Variants in TMPRSS4 observed in about 807,000 individuals in gnomAD.
TMPRSS4 encodes transmembrane serine protease 4, also known as transmembrane protease serine 4.
TMPRSS4 carries 45 observed loss-of-function variants against 56.4 expected under a neutral mutation model. That is an observed-to-expected ratio of 0.80 (90% CI 0.63 to 1.02). The LOEUF is 1.02. Ranked by LOEUF, TMPRSS4 falls within the 50% of genes least tolerant of loss-of-function variation. The pLI is 0.00. For synonymous variants in TMPRSS4, 205 were observed against 211.0 expected (o/e 0.97, Z 0.25); for missense variants, 546 against 556.7 (o/e 0.98, Z 0.19).
chr11:118,105,426 T>C (rs1006717635), intron 5 of TMPRSS4: 1 of 151,754 alleles, frequency 6.6e-6, no homozygotes, highest in Non-Finnish European at 1.5e-5. Context: ...TATTATATCT[T>C]ATATATAGAT....
Position 118,119,288 on chromosome 11 carries a change from G to C in TMPRSS4, c.*1375G>C, listed in dbSNP as rs12576605. 0.052 allele frequency: 51,689 copies of C among 985,262 alleles called. 2,931 individuals carry two copies. The highest frequency in any genetic ancestry group is 0.41 in the East Asian group (3,580 of 8,780). The allele number at this position is 985,262 out of a possible 1,614,324, so 61.0% of individuals were successfully genotyped here. A position where few individuals can be genotyped will look rare whatever the true frequency, so the allele number is the denominator to read the frequency against. ...AAACCTGGACACACTGAAGACAAGG[G>C]AGCTGAACCAGGGCTCCTACATGAA... On this transcript the variant is annotated 3_prime_UTR_variant, in exon 13 of 13. Transcript: ENST00000437212.
At chr11:118,125,458 G>C (rs1947870506), downstream of TMPRSS4, 1 of 418,298 alleles carries the variant, frequency 2.4e-6, no homozygotes, top group African/African-American at 2.0e-5. Context: ...TCCCCCTTAT[G>C]CCCATTTCCC....
Position 118,108,467 on chromosome 11 carries a change from G to A in TMPRSS4, c.543-389G>A, listed in dbSNP as rs560747407. 48 of 209,050 alleles carry A rather than the reference G, an allele frequency of 2.3e-4. 2 individuals are homozygous for A. The highest frequency in any genetic ancestry group is 3.6e-3 in the Middle Eastern group (2 of 550). 12.9% of individuals were successfully genotyped at this position (209,050 alleles called of 1,614,324 possible). A position where few individuals can be genotyped will look rare whatever the true frequency, so the allele number is the denominator to read the frequency against. ...TTCACCGAAAATAAATCTTGAAAAGGACAGGGCTGGTAGCAGAATGATCCT... is the reference window on the plus strand; with the variant it reads ...TTCACCGAAAATAAATCTTGAAAAGAACAGGGCTGGTAGCAGAATGATCCT... On this transcript the variant is annotated intron_variant, in intron 6 of 12. Coordinates refer to ENST00000437212, the MANE Select transcript of TMPRSS4 (RefSeq NM_019894.4).
At chr11:118,102,474 G>A (rs542813111) in intron 3 of TMPRSS4, among the ~76,000 whole-genome samples, 14 of 152,258 alleles carry the variant, frequency 9.2e-5, no homozygotes, top group Admixed American at 2.6e-4. Context: ...TTGGGAGGCC[G>A]AGGCGGGTGG....
chr11:118,086,222 G>T (rs1052740143), intron 1 of TMPRSS4, among the ~76,000 whole-genome samples: 3 of 152,208 alleles, frequency 2.0e-5, no homozygotes, highest in Non-Finnish European at 4.4e-5. Flanking sequence ...AGCTATGCCC[G>T]AACACAAAAG....
intron 11 of TMPRSS4, among the ~76,000 whole-genome samples, chr11:118,116,436 A>G (rs1420398498): frequency 1.3e-5 from 2 of 152,238 alleles, no homozygotes; most frequent in Non-Finnish European, 2.9e-5. Context: ...CATTTAAGCT[A>G]TAGTTTTGGG....
rs1467168408 is a variant in TMPRSS4, at chr11:118,096,902, AGAAAGAAAGG to A, written c.43+2050_43+2059del. 9.3e-4 allele frequency among the ~76,000 whole-genome samples: 50 copies of A among 53,786 alleles called. 7 individuals carry two copies. The highest frequency in any genetic ancestry group is 8.5e-3 in the Middle Eastern group (1 of 118). The allele number at this position is 53,786 out of a possible 152,430, so 35.3% of individuals were successfully genotyped here. A position where few individuals can be genotyped will look rare whatever the true frequency, so the allele number is the denominator to read the frequency against. The stretch of plus-strand genomic sequence containing the variant: ...AAGAAAGAAAGAAAGAAAGAAAGAA[AGAAAGAAAGG>A]GAGAGAGAAAGGAAAGAAAGAAAGA... On this transcript the variant is annotated intron_variant, in intron 2 of 12. Transcript: ENST00000437212.
At chr11:118,090,685 G>A (rs535630788) in intron 1 of TMPRSS4, among the ~76,000 whole-genome samples, 3 of 152,022 alleles carry the variant, frequency 2.0e-5, no homozygotes, top group African/African-American at 7.2e-5. Flanking sequence ...GACTGAGGTG[G>A]GAGGAGCCCT....
chr11:118,118,835 T>G lies in TMPRSS4; in HGVS notation c.*922T>G, dbSNP rs1947693336. ...AATGCTGGTCCTGTGTCCTAACTTT[T>G]TCCGCCTGGAGAGCCCTCAGTGTGG... On this transcript the variant is annotated 3_prime_UTR_variant, in exon 13 of 13. Coordinates refer to ENST00000437212, the MANE Select transcript of TMPRSS4 (RefSeq NM_019894.4). 2 of 985,300 alleles carry G rather than the reference T, an allele frequency of 2.0e-6. No individual in the cohort carries two copies. Among genetic ancestry groups the G allele is most frequent in the Admixed American group, 6.2e-5 (1 of 16,258 alleles). The allele number at this position is 985,300 out of a possible 1,614,324, so 61.0% of individuals were successfully genotyped here. A position where few individuals can be genotyped will look rare whatever the true frequency, so the allele number is the denominator to read the frequency against.
intron 12 of TMPRSS4, 108 bp from the exon 13 acceptor site, chr11:118,117,794 G>C (rs113745313): frequency 5.1e-5 from 82 of 1,605,972 alleles, no homozygotes; most frequent in Non-Finnish European, 6.0e-5. Flanking sequence ...TGCAGGGTAG[G>C]GAGAGAAGCA....
intron 7 of TMPRSS4, among the ~76,000 whole-genome samples, chr11:118,111,310 G>A (rs1947265209): frequency 6.6e-6 from 1 of 152,162 alleles, no homozygotes; most frequent in South Asian, 2.1e-4. Context: ...AGAAGGGGGA[G>A]TTTTGGATGA....
chr11:118,101,205 G>C (rs148766653), intron 3 of TMPRSS4, among the ~76,000 whole-genome samples: 2 of 152,092 alleles, frequency 1.3e-5, no homozygotes, highest in Non-Finnish European at 2.9e-5. Flanking sequence ...AATTCTCCAC[G>C]TCCCTGTTTG....
chr11:118,109,331 C>T (rs1317334307), intron 7 of TMPRSS4, among the ~76,000 whole-genome samples: 1 of 152,226 alleles, frequency 6.6e-6, no homozygotes. Flanking sequence ...CTCACTCTGT[C>T]AGTTGCTGGC....
intron 1 of TMPRSS4, among the ~76,000 whole-genome samples, chr11:118,083,257 C>T (rs1945294827): frequency 6.6e-6 from 1 of 152,228 alleles, no homozygotes; most frequent in Admixed American, 6.5e-5. Context: ...CCTCCTAGAA[C>T]TGTCTTTTGC....
At chr11:118,113,908 C>A (rs596134) in intron 9 of TMPRSS4, among the ~76,000 whole-genome samples, 1 of 152,036 alleles carries the variant, frequency 6.6e-6, no homozygotes, top group Non-Finnish European at 1.5e-5. Context: ...TGTGCTTATA[C>A]TGAAATGTAT....
At chr11:118,095,903 G>A (rs1941632) in intron 2 of TMPRSS4, among the ~76,000 whole-genome samples, 94,123 of 151,982 alleles carry the variant, frequency 0.62, 29,390 homozygotes, top group African/African-American at 0.7. Context: ...AACAACAGCC[G>A]GCAAGGAGGC....
chr11:118,119,738 T>A lies in TMPRSS4; in HGVS notation c.*1825T>A, dbSNP rs1399209653. On this transcript the variant is annotated 3_prime_UTR_variant, in exon 13 of 13. Transcript: ENST00000437212. Reference sequence around the variant, plus strand: ...TAGACTGTAAGTTGAACGTGAGCACTTGGAATACAGAGTTCATGCTGTAAA... The same window carrying A: ...TAGACTGTAAGTTGAACGTGAGCACATGGAATACAGAGTTCATGCTGTAAA... 3 of 152,176 alleles carry A rather than the reference T, an allele frequency of 2.0e-5. No individual in the cohort carries two copies. Among genetic ancestry groups the A allele is most frequent in the Non-Finnish European group, 4.4e-5 (3 of 68,038 alleles). 9.4% of individuals were successfully genotyped at this position (152,176 alleles called of 1,614,324 possible). A position where few individuals can be genotyped will look rare whatever the true frequency, so the allele number is the denominator to read the frequency against.
chr11:118,098,994 C>T lies in TMPRSS4; in HGVS notation c.53C>T (p.Pro18Leu), dbSNP rs939949296. The T allele has an allele frequency of 1.9e-5, 31 of 1,612,976 alleles. No individual in the cohort carries two copies. The highest frequency in any genetic ancestry group is 2.4e-5 in the Non-Finnish European group (28 of 1,179,404). ...TCCCATTTTCTTGCAGATGTCAAAC[C>T]CCTGCGCAAACCCCGTATCCCCATG... is the stretch of plus-strand genomic sequence containing the variant. The part of the protein sequence containing the change: ...DQPLNSLDVK[P>L]LRKPRIPMET... The change falls in exon 3 of 13, where the codon CCC (proline) becomes CTC (leucine). Residue 18 changes from proline to leucine, a missense_variant. Coordinates refer to ENST00000437212, the MANE Select transcript of TMPRSS4 (RefSeq NM_019894.4).
chr11:118,082,793 G>A (rs926704902), intron 1 of TMPRSS4, among the ~76,000 whole-genome samples: 1 of 152,180 alleles, frequency 6.6e-6, no homozygotes, highest in Non-Finnish European at 1.5e-5. Context: ...AGTGGATCAG[G>A]CCTAGGACTA....
Sources: allele counts gnomAD v4.1 joint callset (sites outside exome capture counted in the v4.1 genomes callset), GRCh38; gene constraint gnomAD v4.1.1; transcripts MANE v1.5; gene names NCBI Gene and HGNC (gene_info 2026-07-23, HGNC 2026-07-21).